SLC39A11: variants seen among roughly 807,000 people sequenced by gnomAD.
SLC39A11 encodes the protein zinc transporter ZIP11.
In SLC39A11, 33 loss-of-function variants were observed where a neutral mutation model predicts 36.1. The observed-to-expected ratio is 0.91, with a 90% CI of 0.69 to 1.22. The LOEUF is 1.22. Among genes scored for constraint, SLC39A11 ranks in the 50% most tolerant of loss-of-function variants. The pLI, the probability that SLC39A11 is intolerant of heterozygous loss-of-function variation, is 0.00. For missense variants in SLC39A11, 432 were observed against 430.3 expected (o/e 1.00, Z -0.03); for synonymous variants, 166 against 170.3 (o/e 0.97, Z 0.20).
At chr17:72,757,491 T>A (rs933592011) in intron 6 of SLC39A11, among the ~76,000 whole-genome samples, 1 of 152,148 alleles carries the variant, frequency 6.6e-6, no homozygotes, top group Non-Finnish European at 1.5e-5. Context: ...GGTCCAGGGG[T>A]TGGGGCTGCC....
At chr17:72,751,763 G>A (rs1210419150) in intron 6 of SLC39A11, among the ~76,000 whole-genome samples, 1 of 152,138 alleles carries the variant, frequency 6.6e-6, no homozygotes, top group Non-Finnish European at 1.5e-5. Flanking sequence ...TTTTGGTAGA[G>A]ACAGGGTTTT....
At chr17:72,913,057 TA>T (rs34627608) in intron 5 of SLC39A11, among the ~76,000 whole-genome samples, 1 of 152,134 alleles carries the variant, frequency 6.6e-6, no homozygotes, top group Non-Finnish European at 1.5e-5. Context: ...CAGCAATTTC[TA>T]AAAAGTCCTG....
chr17:72,666,398 G>A (rs888028709), intron 7 of SLC39A11, among the ~76,000 whole-genome samples: 1 of 152,226 alleles, frequency 6.6e-6, no homozygotes, highest in African/African-American at 2.4e-5. Context: ...AAATGAGAAA[G>A]GTTGAAAGGG....
At chr17:72,948,087 GA>G (rs1213336044) in intron 4 of SLC39A11, among the ~76,000 whole-genome samples, 1 of 151,850 alleles carries the variant, frequency 6.6e-6, no homozygotes. Flanking sequence ...TTACAAAAAA[GA>G]AAAAAACAAC....
At chr17:72,752,089 AT>A (rs1485616119) in intron 6 of SLC39A11, among the ~76,000 whole-genome samples, 1 of 151,954 alleles carries the variant, frequency 6.6e-6, no homozygotes, top group Non-Finnish European at 1.5e-5. Flanking sequence ...TCCCTTCTTC[AT>A]TTTGTCAGGG....
At chr17:72,901,032 T>C (rs1237158156) in intron 5 of SLC39A11, among the ~76,000 whole-genome samples, 4 of 151,570 alleles carry the variant, frequency 2.6e-5, no homozygotes, top group Admixed American at 2.0e-4. Flanking sequence ...AAGGATTATG[T>C]TGCAGGAGGT....
chr17:72,829,606 G>C (rs2078182610), intron 6 of SLC39A11, among the ~76,000 whole-genome samples: 1 of 152,196 alleles, frequency 6.6e-6, no homozygotes, highest in Non-Finnish European at 1.5e-5. Flanking sequence ...AATTAGGGCA[G>C]ACATGCTCAA....
At chr17:72,884,144 G>A (rs1474442989) in intron 5 of SLC39A11, among the ~76,000 whole-genome samples, 1 of 151,748 alleles carries the variant, frequency 6.6e-6, no homozygotes, top group Non-Finnish European at 1.5e-5. Context: ...ACAGAGTAAG[G>A]CTCTGTCTCC....
chr17:73,037,939 G>T (rs563281653), intron 3 of SLC39A11, among the ~76,000 whole-genome samples: 2 of 152,210 alleles, frequency 1.3e-5, no homozygotes, highest in Non-Finnish European at 2.9e-5. Context: ...AAGAAAACTC[G>T]TGGCAGGGCA....
At chr17:72,861,488 A>C (rs919273663) in intron 5 of SLC39A11, among the ~76,000 whole-genome samples, 1 of 151,670 alleles carries the variant, frequency 6.6e-6, no homozygotes, top group African/African-American at 2.4e-5. Flanking sequence ...AAAATGTTGC[A>C]GCCAGGAAGA....
intron 6 of SLC39A11, among the ~76,000 whole-genome samples, chr17:72,781,413 G>T (rs60940301): frequency 0.068 from 9,255 of 136,608 alleles, 342 homozygotes; most frequent in African/African-American, 0.13. Context: ...GTTTCTTTTG[G>T]TTTTTTTTTT....
At chr17:72,960,995 A>T (rs1466918605) in intron 4 of SLC39A11, among the ~76,000 whole-genome samples, 1 of 152,208 alleles carries the variant, frequency 6.6e-6, no homozygotes, top group Non-Finnish European at 1.5e-5. Flanking sequence ...GCAACCATAA[A>T]ATGATTTTTC....
chr17:72,747,742 G>A (rs1283189850), intron 6 of SLC39A11, among the ~76,000 whole-genome samples: 1 of 152,138 alleles, frequency 6.6e-6, no homozygotes. Context: ...TGGTTGCAAA[G>A]GTCTAGCAGG....
At chr17:72,952,955 C>T (rs1386607757) in intron 4 of SLC39A11, among the ~76,000 whole-genome samples, 1 of 152,188 alleles carries the variant, frequency 6.6e-6, no homozygotes, top group Non-Finnish European at 1.5e-5. Flanking sequence ...CACCTTGCAG[C>T]TCCCAAATGT....
intron 4 of SLC39A11, among the ~76,000 whole-genome samples, chr17:72,965,001 G>C (rs1440322396): frequency 6.7e-6 from 1 of 150,352 alleles, no homozygotes. Context: ...CTATCACAAG[G>C]ACAAAAAACC....
chr17:72,843,551 G>C (rs1342139952), intron 6 of SLC39A11, among the ~76,000 whole-genome samples: 1 of 152,082 alleles, frequency 6.6e-6, no homozygotes, highest in Non-Finnish European at 1.5e-5. Flanking sequence ...CACCATGTGA[G>C]GATACAACGA....
intron 7 of SLC39A11, among the ~76,000 whole-genome samples, chr17:72,726,477 C>T (rs1408793546): frequency 6.6e-6 from 1 of 152,118 alleles, no homozygotes; most frequent in African/African-American, 2.4e-5. Context: ...TGCCACTGCA[C>T]TGCGGCCTGA....
At chr17:72,691,766 G>C (rs911415311) in intron 7 of SLC39A11, among the ~76,000 whole-genome samples, 1 of 151,820 alleles carries the variant, frequency 6.6e-6, no homozygotes, top group South Asian at 2.1e-4. Flanking sequence ...ATTTGGGAAT[G>C]TTTTCTCTAA....
chr17:72,828,811 C>T (rs11870785), intron 6 of SLC39A11, among the ~76,000 whole-genome samples: 56,135 of 152,010 alleles, frequency 0.37, 12,067 homozygotes, highest in Non-Finnish European at 0.48. Flanking sequence ...TCTCTGACAC[C>T]GCTCCACTGT....
Sources: allele counts gnomAD v4.1 joint callset (sites outside exome capture counted in the v4.1 genomes callset), GRCh38; gene constraint gnomAD v4.1.1; transcripts MANE v1.5; gene names NCBI Gene and HGNC (gene_info 2026-07-23, HGNC 2026-07-21).